The following RPH3AL variants were observed in gnomAD, a reference collection of about 807,000 sequenced individuals.
RPH3AL encodes the protein rabphilin 3A like (without C2 domains).
RPH3AL carries 38 observed loss-of-function variants against 43.1 expected under a neutral mutation model. The ratio of observed to expected loss-of-function variants is 0.88; its 90% confidence interval spans 0.68 to 1.15. RPH3AL has a LOEUF of 1.15. RPH3AL is among the 50% of genes most tolerant of loss of function. The pLI is 0.00. For synonymous variants in RPH3AL, 189 were observed against 176.3 expected, an observed-to-expected ratio of 1.07 and a Z score of -0.57; for missense variants, 462 against 423.2, an observed-to-expected ratio of 1.09 and a Z score of -0.81.
In RPH3AL at chr17:295,356, G is replaced by A. The variant is rs529526364; in HGVS notation, c.352-13502C>T. On this transcript the variant is annotated intron_variant, in intron 5 of 9. Transcript: ENST00000331302. ...GGACAGAGGAGCTGCAGAAATGGAC[G>A]GGCAGAGGGAATGCACATCAGTGTG... is the stretch of plus-strand genomic sequence containing the variant. Among the ~76,000 whole-genome samples the A allele has an allele frequency of 7.3e-3, 950 of 130,080 alleles. 16 individuals carry two copies. Among genetic ancestry groups the A allele is most frequent in the Admixed American group, 0.041 (506 of 12,212 alleles). The allele number at this position is 130,080 out of a possible 152,430, so 85.3% of individuals were successfully genotyped here. A position where few individuals can be genotyped will look rare whatever the true frequency, so the allele number is the denominator to read the frequency against.
intron 7 of RPH3AL, among the ~76,000 whole-genome samples, chr17:243,924 CCTCTACT>C: frequency 7.1e-6 from 1 of 140,932 alleles, no homozygotes; most frequent in Non-Finnish European, 1.6e-5. Flanking sequence ...TGATTACCTT[CCTCTACT>C]GATTACCCTT....
chr17:280,073 G>A (rs2042742640), intron 6 of RPH3AL, among the ~76,000 whole-genome samples: 1 of 152,212 alleles, frequency 6.6e-6, no homozygotes, highest in Non-Finnish European at 1.5e-5. Flanking sequence ...CACAACAACA[G>A]CAGCAAGGAA....
chr17:307,240 AGGTCCTCCCCACG>A (rs2043517454), intron 5 of RPH3AL, among the ~76,000 whole-genome samples: 4 of 105,048 alleles, frequency 3.8e-5, no homozygotes, highest in Non-Finnish European at 7.6e-5. Flanking sequence ...ATCCCACGGC[AGGTCCTCCCCACG>A]GCAGGTCCAT....
chr17:230,671 T>C (rs892430860), intron 7 of RPH3AL, among the ~76,000 whole-genome samples: 2 of 152,182 alleles, frequency 1.3e-5, no homozygotes, highest in Admixed American at 6.5e-5. Flanking sequence ...GGACAGATGA[T>C]GGCTTTTGGT....
rs1285555844 is a variant in RPH3AL at position 319,495 on chromosome 17, C to G, written c.276G>C (p.Leu92=). 1.2e-6 allele frequency: 2 copies of G among 1,612,510 alleles called. No homozygotes were observed. Among genetic ancestry groups the G allele is most frequent in the Admixed American group, 1.7e-5 (1 of 60,018 alleles). The part of the protein sequence containing the change: ...TMRRNVMGNG[L]SQCLLCGEVL... Reference sequence around the variant, plus strand: ...CCTCCCCGCAGAGCAGACACTGGGACAGGCCGTTCCCCATCACATTCCGCC... The same window carrying G: ...CCTCCCCGCAGAGCAGACACTGGGAGAGGCCGTTCCCCATCACATTCCGCC... Residue 92 remains leucine, a synonymous_variant, in exon 5 of 10, where the codon CTG becomes CTC. Coordinates refer to ENST00000331302, the MANE Select transcript of RPH3AL (RefSeq NM_006987.4).
intron 5 of RPH3AL, among the ~76,000 whole-genome samples, chr17:293,830 A>C (rs905794938): frequency 1.3e-5 from 2 of 152,250 alleles, no homozygotes; most frequent in South Asian, 4.2e-4. Flanking sequence ...GGAGTTCAAC[A>C]CCAACCTGGC....
At position 333,316 on chromosome 17, in the gene RPH3AL, T is replaced by TAAAGAGA. The variant is rs1241495686; in HGVS notation, c.-37+436_-37+442dup. 7.0e-6 allele frequency: 9 copies of TAAAGAGA among 1,282,486 alleles called. No homozygotes were observed. Among genetic ancestry groups the TAAAGAGA allele is most frequent in the Middle Eastern group, 3.1e-4 (1 of 3,238 alleles). 79.4% of individuals were successfully genotyped at this position (1,282,486 alleles called of 1,614,324 possible). A position where few individuals can be genotyped will look rare whatever the true frequency, so the allele number is the denominator to read the frequency against. On this transcript the variant is annotated intron_variant, in intron 2 of 9. Transcript: ENST00000331302. This position sits in a 1 kb window ranked among gnomAD's most constrained non-coding sequence, Gnocchi z 4.5. ...CTGGGGGCGGTAGGATATTTTATCC[T>TAAAGAGA]AAAGAGAAAACACCTTAAATTCTCA... is the stretch of plus-strand genomic sequence containing the variant.
At chr17:318,925 C>G (rs956660248) in intron 5 of RPH3AL, among the ~76,000 whole-genome samples, 18 of 152,208 alleles carry the variant, frequency 1.2e-4, no homozygotes, top group African/African-American at 3.9e-4. Flanking sequence ...CTAATAACAA[C>G]TAAAAACATT....
At chr17:218,207 C>T (rs55930799) in intron 8 of RPH3AL, among the ~76,000 whole-genome samples, 6,297 of 107,684 alleles carry the variant, frequency 0.058, no homozygotes, top group Middle Eastern at 0.11. Flanking sequence ...TAAAATTGGC[C>T]TCACTGAAAT....
At chr17:304,818 C>T (rs968699324) in intron 5 of RPH3AL, among the ~76,000 whole-genome samples, 3 of 151,038 alleles carry the variant, frequency 2.0e-5, no homozygotes, top group East Asian at 2.0e-4. Flanking sequence ...ATTTTTAAAC[C>T]ATTTTTAAAT....
chr17:281,340 G>T (rs367778031), intron 6 of RPH3AL, among the ~76,000 whole-genome samples: 1 of 152,092 alleles, frequency 6.6e-6, no homozygotes, highest in African/African-American at 2.4e-5. Flanking sequence ...CACCACTGGG[G>T]TTGTGCAGGG....
intron 7 of RPH3AL, among the ~76,000 whole-genome samples, chr17:226,313 C>G (rs2041106564): frequency 6.6e-6 from 1 of 151,956 alleles, no homozygotes; most frequent in Admixed American, 6.6e-5. Flanking sequence ...ACAGACTCAT[C>G]TCATTAGATG....
chr17:263,477 C>A (rs1457687289), intron 6 of RPH3AL, among the ~76,000 whole-genome samples: 1 of 152,162 alleles, frequency 6.6e-6, no homozygotes, highest in Non-Finnish European at 1.5e-5. Flanking sequence ...GACGCGGTGG[C>A]AAGGAGCCGC....
intron 7 of RPH3AL, among the ~76,000 whole-genome samples, chr17:239,900 A>T (rs945165633): frequency 4.6e-5 from 7 of 152,322 alleles, no homozygotes; most frequent in African/African-American, 1.4e-4. Context: ...AAATGCTGGG[A>T]TTACAGGCAT....
chr17:299,120 G>A (rs2043256540), intron 5 of RPH3AL, among the ~76,000 whole-genome samples: 1 of 152,176 alleles, frequency 6.6e-6, no homozygotes. Flanking sequence ...AAGCAGAGGA[G>A]TAGAGGATGC....
At chr17:325,279 T>C (rs1348174657) in intron 3 of RPH3AL, among the ~76,000 whole-genome samples, 1 of 152,172 alleles carries the variant, frequency 6.6e-6, no homozygotes, top group African/African-American at 2.4e-5. Context: ...TATACGTCCT[T>C]CATTGGGCTG....
rs1290106670 is a variant in RPH3AL, at chr17:247,273, A to T, written c.451T>A (p.Ser151Thr). 6 of 1,587,362 alleles carry T rather than the reference A, an allele frequency of 3.8e-6. No individual in the cohort carries two copies. Among genetic ancestry groups the T allele is most frequent in the Non-Finnish European group, 5.1e-6 (6 of 1,165,800 alleles). The change falls in exon 7 of 10, where the codon TCG becomes ACG. Residue 151 changes from serine to threonine, a missense_variant. Ser to Thr is a moderately conservative substitution (Grantham distance 58). Transcript: ENST00000331302. ...CSEQREVWKR[S>T]GAWFYKGLPK... is the part of the protein sequence containing the mutation. ...AGCCCTTTGTAGAACCAGGCCCCCG[A>T]CCTCTTCCAGACCTGAGTGGGGGAA...
chr17:260,851 C>G (rs893964805), intron 6 of RPH3AL, among the ~76,000 whole-genome samples: 1 of 152,160 alleles, frequency 6.6e-6, no homozygotes, highest in South Asian at 2.1e-4. Flanking sequence ...GCTGCTCTCA[C>G]CGCCTTGACC....
At chr17:239,157 C>T (rs370906975) in intron 7 of RPH3AL, among the ~76,000 whole-genome samples, 1 of 152,176 alleles carries the variant, frequency 6.6e-6, no homozygotes, top group African/African-American at 2.4e-5. Context: ...CAATACCCAG[C>T]GTCCAGGGGA....
Sources: allele counts gnomAD v4.1 joint callset (sites outside exome capture counted in the v4.1 genomes callset), GRCh38; gene constraint gnomAD v4.1.1; non-coding constraint Gnocchi (gnomAD v3.1); transcripts MANE v1.5; gene names NCBI Gene and HGNC (gene_info 2026-07-23, HGNC 2026-07-21).